Variants in STK3 observed in about 807,000 individuals in gnomAD.
The protein encoded by STK3 is serine/threonine-protein kinase 3.
A neutral mutation model predicts 58.0 loss-of-function variants in STK3; 41 were observed. The ratio of observed to expected loss-of-function variants is 0.71; its 90% confidence interval spans 0.55 to 0.92. The LOEUF (loss-of-function observed/expected upper bound fraction) is 0.92, where lower values mean the gene tolerates loss of function less well. Among genes scored for constraint, STK3 ranks in the 40% least tolerant of loss-of-function variants. The pLI is 0.00. For synonymous variants in STK3, 170 were observed against 191.0 expected (o/e 0.89, Z 0.91); for missense variants, 479 against 602.7 (o/e 0.79, Z 2.15).
At chr8:98,515,089 CA>C (rs1431455778) in intron 10 of STK3, among the ~76,000 whole-genome samples, 4 of 152,020 alleles carry the variant, frequency 2.6e-5, no homozygotes, top group Non-Finnish European at 5.9e-5. Flanking sequence ...TCTCTAATTC[CA>C]CTATCTTTGC....
At chr8:98,698,314 T>C (rs1035030345) in intron 6 of STK3, among the ~76,000 whole-genome samples, 3 of 151,938 alleles carry the variant, frequency 2.0e-5, no homozygotes, top group African/African-American at 7.3e-5. Flanking sequence ...TGACTCTTTA[T>C]CCAATTTGCC....
intron 1 of STK3, among the ~76,000 whole-genome samples, chr8:98,904,192 CAG>C (rs1838795106): frequency 6.6e-6 from 1 of 152,120 alleles, no homozygotes; most frequent in Non-Finnish European, 1.5e-5. Flanking sequence ...CCAGAACTAA[CAG>C]AGAAGAGTAA....
intron 1 of STK3, among the ~76,000 whole-genome samples, chr8:98,918,018 T>A (rs1045551187): frequency 6.6e-6 from 1 of 152,224 alleles, no homozygotes; most frequent in Non-Finnish European, 1.5e-5. Flanking sequence ...GGGCAGACAT[T>A]GTTCTAAAGA....
chr8:98,584,152 G>C (rs1814222883), intron 7 of STK3, among the ~76,000 whole-genome samples: 1 of 151,468 alleles, frequency 6.6e-6, no homozygotes, highest in Non-Finnish European at 1.5e-5. Context: ...CATTGTGCAG[G>C]TTAGTTACAT....
rs190558617 is a variant in STK3, at chr8:98,376,817, G to A, written n.111+2336C>T. Among the ~76,000 whole-genome samples the A allele has an allele frequency of 3.5e-3, 537 of 152,304 alleles. 2 individuals are homozygous for A. Among genetic ancestry groups the A allele is most frequent in the African/African-American group, 0.011 (463 of 41,558 alleles). On this transcript the variant is annotated intron_variant and non_coding_transcript_variant, in intron 2 of 2. Coordinates refer to the STK3 transcript ENST00000518704. ...TTGGGTGAGAGTGTATGATTTGTGA[G>A]GAATAGATGTAACCGGTAGCCAGGA... is the stretch of plus-strand genomic sequence containing the variant.
At chr8:98,688,670 A>G (rs966785290) in intron 6 of STK3, among the ~76,000 whole-genome samples, 6 of 152,180 alleles carry the variant, frequency 3.9e-5, no homozygotes, top group African/African-American at 1.4e-4. Flanking sequence ...CTCCTGAATG[A>G]CTTTTGGGTA....
chr8:98,911,511 G>A (rs1188873205), intron 1 of STK3, among the ~76,000 whole-genome samples: 1 of 152,064 alleles, frequency 6.6e-6, no homozygotes, highest in Non-Finnish European at 1.5e-5. Context: ...TTGTGCCTCA[G>A]CCTCGCAAGT....
intron 3 of STK3, among the ~76,000 whole-genome samples, chr8:98,414,277 T>A (rs1260348095): frequency 6.6e-6 from 1 of 151,860 alleles, no homozygotes; most frequent in Non-Finnish European, 1.5e-5. Flanking sequence ...AAAATAATAA[T>A]AAAAAAATAA....
At chr8:98,635,834 G>A (rs1587108773) in intron 6 of STK3, among the ~76,000 whole-genome samples, 1 of 151,680 alleles carries the variant, frequency 6.6e-6, no homozygotes, top group Admixed American at 6.6e-5. Flanking sequence ...AGAATTTCTT[G>A]GTGGGCTTGT....
downstream of STK3, among the ~76,000 whole-genome samples, chr8:98,452,111 T>C (rs1819225291): frequency 2.6e-5 from 4 of 152,326 alleles, no homozygotes; most frequent in African/African-American, 9.6e-5. Context: ...TCCTATTGAA[T>C]GCTAATCAGT....
intron 8 of STK3, among the ~76,000 whole-genome samples, chr8:98,560,984 G>A (rs1265886282): frequency 2.6e-5 from 4 of 152,082 alleles, no homozygotes; most frequent in Non-Finnish European, 5.9e-5. Flanking sequence ...AGTGAGCCGT[G>A]ATTGCTGTCA....
chr8:98,738,523 G>C (rs902777256), intron 4 of STK3, among the ~76,000 whole-genome samples: 1 of 151,982 alleles, frequency 6.6e-6, no homozygotes, highest in Non-Finnish European at 1.5e-5. Context: ...TTATAAGAGA[G>C]ATCAAGGAAA....
chr8:98,809,148 C>T (rs1024490670), intron 1 of STK3, among the ~76,000 whole-genome samples: 1 of 152,222 alleles, frequency 6.6e-6, no homozygotes, highest in Non-Finnish European at 1.5e-5. Flanking sequence ...TGTGCCTTTT[C>T]ATCTGTATAT....
At chr8:98,501,949 T>C (rs1250133036) in intron 10 of STK3, among the ~76,000 whole-genome samples, 2 of 152,192 alleles carry the variant, frequency 1.3e-5, no homozygotes, top group Non-Finnish European at 2.9e-5. Context: ...AAGAAAGGCA[T>C]TGGTAGCTTG....
rs190850975 is a variant in STK3, at chr8:98,547,566, C to T, written c.1141+403G>A. ...TCCCACCTTATTTCTTCCCATAGCT[C>T]GCACTGCTCTTTGTGGTTTAACTGA... On this transcript the variant is annotated intron_variant, in intron 9 of 10. Coordinates refer to ENST00000419617, the MANE Select transcript of STK3 (RefSeq NM_006281.4). 5.5e-3 allele frequency among the ~76,000 whole-genome samples: 840 copies of T among 152,254 alleles called. 9 individuals are homozygous for T. The highest frequency in any genetic ancestry group is 0.019 in the African/African-American group (807 of 41,542).
intron 1 of STK3, among the ~76,000 whole-genome samples, chr8:98,385,124 C>G (rs73272087): frequency 0.057 from 8,661 of 152,066 alleles, 643 homozygotes; most frequent in East Asian, 0.16. Flanking sequence ...AAATATTTCC[C>G]AAGCTGGGCA....
intron 6 of STK3, among the ~76,000 whole-genome samples, chr8:98,635,287 A>G (rs1819539821): frequency 6.6e-6 from 1 of 152,186 alleles, no homozygotes; most frequent in Admixed American, 6.5e-5. Context: ...TGTTGTTACT[A>G]TTACATTTTC....
At chr8:98,557,882 A>G (rs1811721677) in intron 8 of STK3, among the ~76,000 whole-genome samples, 2 of 152,226 alleles carry the variant, frequency 1.3e-5, no homozygotes, top group South Asian at 4.1e-4. Flanking sequence ...ACGTCATAAA[A>G]GACTTATTCA....
At chr8:98,807,517 C>G (rs1833961612) in intron 1 of STK3, among the ~76,000 whole-genome samples, 1 of 152,118 alleles carries the variant, frequency 6.6e-6, no homozygotes, top group East Asian at 1.9e-4. Flanking sequence ...CTCTGGCTCC[C>G]AAAGTACTGG....
Sources: allele counts gnomAD v4.1 joint callset (sites outside exome capture counted in the v4.1 genomes callset), GRCh38; gene constraint gnomAD v4.1.1; transcripts MANE v1.5; gene names NCBI Gene and HGNC (gene_info 2026-07-23, HGNC 2026-07-21).